Variants in APOBEC3G observed in about 807,000 individuals in gnomAD.
The protein encoded by APOBEC3G is apolipoprotein B mRNA editing enzyme catalytic subunit 3G, also known as DNA dC->dU-editing enzyme APOBEC-3G.
In APOBEC3G, 44 loss-of-function variants were observed where a neutral mutation model predicts 50.0. The observed-to-expected ratio is 0.88, with a 90% CI of 0.69 to 1.13. APOBEC3G has a LOEUF of 1.13. Ranked by LOEUF, APOBEC3G falls within the 50% of genes most tolerant of loss-of-function variation. APOBEC3G has a pLI of 0.00. For missense variants in APOBEC3G, 469 were observed against 492.0 expected, an observed-to-expected ratio of 0.95 and a Z score of 0.44; for synonymous variants, 156 against 175.3, an observed-to-expected ratio of 0.89 and a Z score of 0.87.
rs1928755207 is a variant in APOBEC3G at position 39,087,583 on chromosome 22, T to TTC, written c.*163_*164insCT. On this transcript the variant is annotated 3_prime_UTR_variant, in exon 8 of 8. Coordinates refer to ENST00000407997, the MANE Select transcript of APOBEC3G (RefSeq NM_021822.4). Reference sequence around the variant, plus strand: ...CTGACCAAGTAGATTCTTTTAAAAATTAGAGTGCATTACTTTGAATCAAAA... The same window carrying TTC: ...CTGACCAAGTAGATTCTTTTAAAAATTCTAGAGTGCATTACTTTGAATCAAAA... 24 of 1,332,110 alleles carry TTC rather than the reference T, an allele frequency of 1.8e-5. No individual in the cohort carries two copies. The highest frequency in any genetic ancestry group is 2.5e-5 in the Non-Finnish European group (24 of 968,956). 82.5% of individuals were successfully genotyped at this position (1,332,110 alleles called of 1,614,324 possible). A position where few individuals can be genotyped will look rare whatever the true frequency, so the allele number is the denominator to read the frequency against.
intron 1 of APOBEC3G, among the ~76,000 whole-genome samples, chr22:39,077,643 T>C (rs374831445): frequency 6.6e-6 from 1 of 151,172 alleles, no homozygotes; most frequent in Non-Finnish European, 1.5e-5. Flanking sequence ...ATGGCTGGGG[T>C]GGTGCTCCCG....
At chr22:39,086,765 G>C (rs1473228644) in intron 6 of APOBEC3G, among the ~76,000 whole-genome samples, 198 bp downstream of exon 6, 1 of 152,192 alleles carries the variant, frequency 6.6e-6, no homozygotes, top group East Asian at 1.9e-4. Flanking sequence ...GTGGACCTGG[G>C]GAGGGCGGGG....
chr22:39,079,316 T>A, intron 2 of APOBEC3G: 1 of 541,292 alleles, frequency 1.8e-6, no homozygotes, highest in Non-Finnish European at 3.1e-6. Flanking sequence ...TTTTCTTTTC[T>A]TTTTTCTTTT....
rs2294365 is a variant in APOBEC3G, at chr22:39,083,284, C to T, written c.582-447C>T. 129 of 154,694 alleles carry T rather than the reference C, an allele frequency of 8.3e-4. No homozygotes were observed. The East Asian group carries it at 9.1e-3, about 11-fold the overall frequency. The allele number at this position is 154,694 out of a possible 1,614,324, so 9.6% of individuals were successfully genotyped here. A position where few individuals can be genotyped will look rare whatever the true frequency, so the allele number is the denominator to read the frequency against. Reference sequence around the variant, plus strand: ...GGCAGGCTCTTCTCCCCGCTGGTCCCGCTCAGGAGTGTCTCTGCCCTGATG... The same window carrying T: ...GGCAGGCTCTTCTCCCCGCTGGTCCTGCTCAGGAGTGTCTCTGCCCTGATG... On this transcript the variant is annotated intron_variant, in intron 4 of 7. Coordinates refer to ENST00000407997, the MANE Select transcript of APOBEC3G (RefSeq NM_021822.4).
chr22:39,086,683 C>A, intron 6 of APOBEC3G, 116 bp downstream of exon 6: 1 of 1,387,306 alleles, frequency 7.2e-7, no homozygotes, highest in Non-Finnish European at 9.8e-7. Flanking sequence ...GATCCTCTGC[C>A]TGCAGAGGCG....
intron 5 of APOBEC3G, among the ~76,000 whole-genome samples, chr22:39,085,389 A>G (rs1246633837): frequency 6.6e-6 from 1 of 152,096 alleles, no homozygotes; most frequent in Non-Finnish European, 1.5e-5. Context: ...ACGGGTAGAC[A>G]GGTCAGCCTC....
Position 39,081,130 on chromosome 22 carries a change from C to T in APOBEC3G, c.369C>T (p.Leu123=). The T allele has an allele frequency of 1.2e-6, 2 of 1,614,252 alleles. No homozygotes were observed. Among genetic ancestry groups the T allele is most frequent in the South Asian group, 1.1e-5 (1 of 91,090 alleles). ...CCCTGACCATCTTTGTTGCCCGCCT[C>T]TACTACTTCTGGGACCCAGATTACC... The part of the protein sequence containing the change: ...KVTLTIFVAR[L]YYFWDPDYQE... The change falls in exon 3 of 8, where the codon CTC becomes CTT. Residue 123 remains leucine (L), a synonymous_variant. Coordinates refer to ENST00000407997, the MANE Select transcript of APOBEC3G (RefSeq NM_021822.4).
At position 39,086,437 on chromosome 22, in the gene APOBEC3G, CAT is replaced by C; in HGVS notation, c.895_896del (p.Ile299PhefsTer17). 6.2e-7 allele frequency: 1 copy of C among 1,614,170 alleles called. No homozygotes were observed. Among genetic ancestry groups the C allele is most frequent in the Non-Finnish European group, 8.5e-7 (1 of 1,180,030 alleles). The stretch of plus-strand genomic sequence containing the variant: ...GCTGTGCCCAGGAAATGGCTAAATT[CAT>C]TTCAAAAAACAAACACGTGAGCCTG... ...FSCAQEMAKF[I>X]SKNKHVSLCI... is the part of the protein sequence containing the mutation. On this transcript the variant is annotated frameshift_variant, in exon 6 of 8. Coordinates refer to ENST00000407997, the MANE Select transcript of APOBEC3G (RefSeq NM_021822.4). LOFTEE classifies it high-confidence loss of function.
chr22:39,079,024 A>G lies in APOBEC3G; in HGVS notation c.110A>G (p.Tyr37Cys), dbSNP rs1378096722. Residue 37 changes from tyrosine (Y) to cysteine (C), a missense_variant, in exon 2 of 8, where the codon TAC (tyrosine) becomes TGC (cysteine). Coordinates refer to ENST00000407997, the MANE Select transcript of APOBEC3G (RefSeq NM_021822.4). ...CGTCGGAATACCGTCTGGCTGTGCT[A>G]CGAAGTGAAAACAAAGGGTCCCTCA... is the stretch of plus-strand genomic sequence containing the variant. ...LSRRNTVWLC[Y>C]EVKTKGPSRP... is the part of the protein sequence containing the mutation. 5 of 1,614,118 alleles carry G rather than the reference A, an allele frequency of 3.1e-6. No homozygotes were observed. Among genetic ancestry groups the G allele is most frequent in the Admixed American group, 1.7e-5 (1 of 60,010 alleles).
In APOBEC3G at chr22:39,086,991, T is replaced by C. The variant is rs554285739; in HGVS notation, c.1025-20T>C. On this transcript the variant is annotated intron_variant, in intron 6 of 7. Transcript: ENST00000407997. ...GATCCCACAGCGGGAGTGTGACTTATCTCCCCTGTCCCTTTTCAGAATTTA... is the reference window on the plus strand; with the variant it reads ...GATCCCACAGCGGGAGTGTGACTTACCTCCCCTGTCCCTTTTCAGAATTTA... 5.7e-6 allele frequency: 9 copies of C among 1,582,868 alleles called. No homozygotes were observed. Among genetic ancestry groups the C allele is most frequent in the African/African-American group, 2.7e-5 (2 of 74,510 alleles).
intron 7 of APOBEC3G, 102 bp from the exon 8 acceptor site, chr22:39,087,305 C>A: frequency 6.2e-7 from 1 of 1,600,440 alleles, no homozygotes; most frequent in Non-Finnish European, 8.6e-7. Context: ...CTCCCACATC[C>A]CTCCCTCCTC....
intron 4 of APOBEC3G, 198 bp downstream of exon 4, chr22:39,081,783 C>T: frequency 3.7e-6 from 2 of 542,042 alleles, no homozygotes; most frequent in Non-Finnish European, 6.6e-6. Context: ...CTCCCACCTG[C>T]TTTCCTGGGC....
At chr22:39,086,599 C>T (rs757630232) in intron 6 of APOBEC3G, 32 bp downstream of exon 6, 15 of 1,560,854 alleles carry the variant, frequency 9.6e-6, no homozygotes, top group Non-Finnish European at 1.2e-5. Context: ...AGGATGGGGT[C>T]AGCCAGGGCA....
At chr22:39,077,175 G>C (rs945863468), upstream of APOBEC3G, 1 of 841,330 alleles carries the variant, frequency 1.2e-6, no homozygotes, top group Admixed American at 2.6e-5. Flanking sequence ...GAGGGTGAGA[G>C]ACTGAGGAAG....
At chr22:39,081,797 T>G in intron 4 of APOBEC3G, 11 of 501,548 alleles carry the variant, frequency 2.2e-5, no homozygotes, top group East Asian at 7.0e-5. Flanking sequence ...CCTGGGCCCT[T>G]CCTGTGAGTG....
At chr22:39,078,879 A>T in intron 1 of APOBEC3G, 53 bp from the exon 2 acceptor site, 1 of 1,604,172 alleles carries the variant, frequency 6.2e-7, no homozygotes. Flanking sequence ...ATCAGCCCGG[A>T]GGGCCCCCAG....
chr22:39,078,381 G>A (rs1174804624), intron 1 of APOBEC3G: 1 of 152,502 alleles, frequency 6.6e-6, no homozygotes, highest in Admixed American at 6.5e-5. Flanking sequence ...CCCAATGGCT[G>A]CCTCCTGCAG....
upstream of APOBEC3G, chr22:39,077,162 A>G: frequency 1.3e-6 from 1 of 753,216 alleles, no homozygotes; most frequent in Admixed American, 2.9e-5. Context: ...AGAAAACCAG[A>G]AAGAGGGTGA....
chr22:39,081,608 A>G (rs1260168551), intron 4 of APOBEC3G, 23 bp downstream of exon 4: 1 of 1,581,672 alleles, frequency 6.3e-7, no homozygotes, highest in African/African-American at 1.4e-5. Flanking sequence ...CTCCAGGCTC[A>G]TCGCCTCGCT....
Sources: allele counts gnomAD v4.1 joint callset (sites outside exome capture counted in the v4.1 genomes callset), GRCh38; gene constraint gnomAD v4.1.1; transcripts MANE v1.5; gene names NCBI Gene and HGNC (gene_info 2026-07-23, HGNC 2026-07-21).